Variants in CCDC188 observed in about 807,000 individuals in gnomAD.
CCDC188 encodes coiled-coil domain containing 188, also known as coiled-coil domain-containing protein 188.
In CCDC188, 37 loss-of-function variants were observed where a neutral mutation model predicts 50.7. That is an observed-to-expected ratio of 0.73 (90% CI 0.56 to 0.96). The LOEUF (loss-of-function observed/expected upper bound fraction) is 0.96, where lower values mean the gene tolerates loss of function less well. Ranked by LOEUF, CCDC188 falls within the 40% of genes least tolerant of loss-of-function variation. CCDC188 has a pLI of 0.00. For synonymous variants in CCDC188, 208 were observed against 228.0 expected (o/e 0.91, Z 0.79); for missense variants, 453 against 512.9 (o/e 0.88, Z 1.13).
In CCDC188 at chr22:20,149,408, T is replaced by A. The variant is rs1356342530; in HGVS notation, c.914+4A>T. The A allele has an allele frequency of 6.5e-7, 1 of 1,550,218 alleles. No homozygotes were observed. The highest frequency in any genetic ancestry group is 8.7e-7 in the Non-Finnish European group (1 of 1,146,854). ...AGCTGGCCCGGCCCCTGCCCCCGTG[T>A]TACCTGAGAATCTCCAGCTGGATGT... On this transcript the variant is annotated splice_donor_region_variant and intron_variant, in intron 6 of 8. Coordinates refer to ENST00000439765, the MANE Select transcript of CCDC188 (RefSeq NM_001365892.2).
chr22:20,150,203 C>T lies in CCDC188; in HGVS notation c.567G>A (p.Gly189=), dbSNP rs1302310084. 6.5e-7 allele frequency: 1 copy of T among 1,548,536 alleles called. No homozygotes were observed. The highest frequency in any genetic ancestry group is 2.4e-5 in the East Asian group (1 of 40,848). Residue 189 remains glycine, a synonymous_variant, in exon 2 of 9, where the codon GGG becomes GGA. Transcript: ENST00000439765. ...ACAGGGGCAGGAACTGCTGCCCCGGCCCCAGGAGGGCCCCCAGCTGCTCCC... is the reference window on the plus strand; with the variant it reads ...ACAGGGGCAGGAACTGCTGCCCCGGTCCCAGGAGGGCCCCCAGCTGCTCCC... The part of the protein sequence containing the change: ...ELREQLGALL[G]PGQQFLPLCP...
Position 20,149,231 on chromosome 22 carries a change from A to T in CCDC188, c.928T>A (p.Cys310Ser). The T allele has an allele frequency of 6.7e-7, 1 of 1,481,916 alleles. No individual in the cohort carries two copies. The allele number at this position is 1,481,916 out of a possible 1,614,324, so 91.8% of individuals were successfully genotyped here. A position where few individuals can be genotyped will look rare whatever the true frequency, so the allele number is the denominator to read the frequency against. ...TTCTCCTTCCTGGCTCGAGTGCGGC[A>T]CTGGGCCCGCTCCCTGCGGGGGCCT... ...QLEILRERAQ[C>S]RTRARKEKQM... is the part of the protein sequence containing the mutation. Residue 310 changes from cysteine to serine, a missense_variant, in exon 7 of 9, where the codon TGC becomes AGC. Transcript: ENST00000439765.
Position 20,150,803 on chromosome 22 carries a change from CT to C in CCDC188, c.183del (p.Ala63GlnfsTer84), listed in dbSNP as rs2050613487. On this transcript the variant is annotated frameshift_variant, in exon 1 of 9. Transcript: ENST00000439765. LOFTEE classifies it high-confidence loss of function. ...SVQSQRPFPV[P>X]GAGGSGPTVE... The stretch of plus-strand genomic sequence containing the variant: ...ACTGTGGGCCCACTGCCCCCTGCCC[CT>C]GGGACTGGGAAAGGTCTCTGGGACT... 6.5e-7 allele frequency: 1 copy of C among 1,549,504 alleles called. No individual in the cohort carries two copies. The highest frequency in any genetic ancestry group is 1.2e-5 in the South Asian group (1 of 84,000).
rs1470319643 is a variant in CCDC188 at position 20,150,570 on chromosome 22, C to T, written c.417G>A (p.Gly139=). The T allele has an allele frequency of 6.5e-7, 1 of 1,547,164 alleles. No individual in the cohort carries two copies. Among genetic ancestry groups the T allele is most frequent in the East Asian group, 2.4e-5 (1 of 40,822 alleles). ...GGGCTACCCTGGGCGAGGCCAGGGC[C>T]CCTCCCTCCCGTGACAGGGGTGGGC... is the stretch of plus-strand genomic sequence containing the variant. ...CPCPPLSREG[G]ALASPRVALS... The change falls in exon 1 of 9, where the codon GGG becomes GGA. Residue 139 remains glycine, a synonymous_variant. Coordinates refer to ENST00000439765, the MANE Select transcript of CCDC188 (RefSeq NM_001365892.2).
rs1387559585 is a variant in CCDC188, at chr22:20,149,581, C to G, written c.849G>C (p.Leu283=). 6.5e-7 allele frequency: 1 copy of G among 1,550,234 alleles called. No homozygotes were observed. Among genetic ancestry groups the G allele is most frequent in the Non-Finnish European group, 8.7e-7 (1 of 1,146,918 alleles). ...TGGGTGCTGCCCTGTGGGGACCTAC[C>G]AGGAGCCCGGTGGCCTGGTTGTTCA... ...MALNNQATGL[L]NLKKDIRGVL... Residue 283 remains leucine, a splice_region_variant and synonymous_variant, in exon 5 of 9, where the codon CTG becomes CTC. Transcript: ENST00000439765.
rs376021737 is a variant in CCDC188, at chr22:20,150,138, T to C, written c.627+5A>G. 1.3e-6 allele frequency: 2 copies of C among 1,544,242 alleles called. No individual in the cohort carries two copies. Among genetic ancestry groups the C allele is most frequent in the South Asian group, 1.2e-5 (1 of 83,844 alleles). ...CTGCATGGGGTCCCTGGGCCCTGTATTTACCCAGGCCAGAGCAGTGCAGCT... is the reference window on the plus strand; with the variant it reads ...CTGCATGGGGTCCCTGGGCCCTGTACTTACCCAGGCCAGAGCAGTGCAGCT... On this transcript the variant is annotated splice_donor_5th_base_variant and intron_variant, in intron 2 of 8. Transcript: ENST00000439765.
chr22:20,149,908 C>A, intron 3 of CCDC188, 47 bp downstream of exon 3: 1 of 1,508,438 alleles, frequency 6.6e-7, no homozygotes, highest in African/African-American at 1.4e-5. Flanking sequence ...ACCTGGAGTG[C>A]TGTTACGAAG....
chr22:20,148,524 G>T lies in CCDC188; in HGVS notation c.*90C>A. 1 of 1,440,930 alleles carries T rather than the reference G, an allele frequency of 6.9e-7. No individual in the cohort carries two copies. 89.3% of individuals were successfully genotyped at this position (1,440,930 alleles called of 1,614,324 possible). Reference sequence around the variant, plus strand: ...CTTCTGGCAAGGATGGTGCACAGTGGTGCCATGTGCAGGGGGCTGGCACGG... The same window carrying T: ...CTTCTGGCAAGGATGGTGCACAGTGTTGCCATGTGCAGGGGGCTGGCACGG... On this transcript the variant is annotated 3_prime_UTR_variant, in exon 9 of 9. Coordinates refer to ENST00000439765, the MANE Select transcript of CCDC188 (RefSeq NM_001365892.2).
rs1406498357 is a variant in CCDC188 at position 20,148,761 on chromosome 22, G to A, written c.1062C>T (p.Val354=). 1.0e-5 allele frequency: 15 copies of A among 1,483,978 alleles called. No homozygotes were observed. Among genetic ancestry groups the A allele is most frequent in the Non-Finnish European group, 1.4e-5 (15 of 1,110,736 alleles). The allele number at this position is 1,483,978 out of a possible 1,614,324, so 91.9% of individuals were successfully genotyped here. Reference sequence around the variant, plus strand: ...CCACGTACACGTAGGCAGCGGTCCAGACCAGCAGGGCGCCCAGCAGCAGCC... The same window carrying A: ...CCACGTACACGTAGGCAGCGGTCCAAACCAGCAGGGCGCCCAGCAGCAGCC... ...TLRLLLGALL[V]WTAAYVYVVN... is the part of the protein sequence containing the mutation. Residue 354 remains valine (V), a synonymous_variant, in exon 9 of 9, where the codon GTC becomes GTT. Coordinates refer to ENST00000439765, the MANE Select transcript of CCDC188 (RefSeq NM_001365892.2).
chr22:20,149,899 C>A, intron 3 of CCDC188, 56 bp downstream of exon 3: 1 of 1,506,348 alleles, frequency 6.6e-7, no homozygotes, highest in Non-Finnish European at 8.9e-7. Context: ...CTCAGGCCCA[C>A]CTGGAGTGCT....
At position 20,150,998 on chromosome 22, in the gene CCDC188, A is replaced by C; in HGVS notation, c.-12T>G. On this transcript the variant is annotated 5_prime_UTR_variant, in exon 1 of 9. Transcript: ENST00000439765. ...TTCAGCCCCTCCATCCCTCCCTGCAACCCCTTCCTGATCCCAGGTCCAGGC... is the reference window on the plus strand; with the variant it reads ...TTCAGCCCCTCCATCCCTCCCTGCACCCCCTTCCTGATCCCAGGTCCAGGC... The C allele has an allele frequency of 1.5e-6, 2 of 1,369,484 alleles. No individual in the cohort carries two copies. Among genetic ancestry groups the C allele is most frequent in the African/African-American group, 1.5e-5 (1 of 68,016 alleles). The allele number at this position is 1,369,484 out of a possible 1,614,324, so 84.8% of individuals were successfully genotyped here. A position where few individuals can be genotyped will look rare whatever the true frequency, so the allele number is the denominator to read the frequency against.
Position 20,149,639 on chromosome 22 carries a change from A to G in CCDC188, c.791T>C (p.Val264Ala), listed in dbSNP as rs1398718480. 8 of 1,549,762 alleles carry G rather than the reference A, an allele frequency of 5.2e-6. No individual in the cohort carries two copies. In the African/African-American group the frequency reaches 5.5e-5, roughly 11 times the overall value. The change falls in exon 5 of 9, where the codon GTG (valine) becomes GCG (alanine). Residue 264 changes from valine to alanine, a missense_variant and splice_region_variant. Val to Ala is a moderately conservative substitution (Grantham distance 64). Coordinates refer to ENST00000439765, the MANE Select transcript of CCDC188 (RefSeq NM_001365892.2). ...GTGCATCTCAGCCACGTTGTCCCAC[A>G]CCTAGGGGGAGGTGGGGTCACGCCT... ...FERKKMVITE[V>A]WDNVAEMHMA...
rs781382370 is a variant in CCDC188 at position 20,150,786 on chromosome 22, C to T, written c.201G>A (p.Gly67=). 2.8e-5 allele frequency: 44 copies of T among 1,549,712 alleles called. No homozygotes were observed. Among genetic ancestry groups the T allele is most frequent in the Non-Finnish European group, 3.7e-5 (42 of 1,146,644 alleles). Reference sequence around the variant, plus strand: ...CGGGAGCCTCGCCCTCCACTGTGGGCCCACTGCCCCCTGCCCCTGGGACTG... The same window carrying T: ...CGGGAGCCTCGCCCTCCACTGTGGGTCCACTGCCCCCTGCCCCTGGGACTG... ...PFPVPGAGGS[G]PTVEGEAPGL... The change falls in exon 1 of 9, where the codon GGG becomes GGA. Residue 67 remains glycine, a synonymous_variant. Transcript: ENST00000439765.
chr22:20,149,962 T>C lies in CCDC188; in HGVS notation c.725A>G (p.Gln242Arg). 6.5e-7 allele frequency: 1 copy of C among 1,547,008 alleles called. No homozygotes were observed. The highest frequency in any genetic ancestry group is 8.7e-7 in the Non-Finnish European group (1 of 1,145,828). The stretch of plus-strand genomic sequence containing the variant: ...CCCCTCCCCCAGGCCCACCTGGGAC[T>C]GTTGCACGAAAGCCTCTTGCCCCTG... ...LCQGQEAFVQ[Q>R]SQNELQQIRL... Residue 242 changes from glutamine to arginine, a missense_variant, in exon 3 of 9, where the codon CAG (glutamine) becomes CGG (arginine). Physicochemically the swap from Gln to Arg is conservative, Grantham distance 43. Coordinates refer to ENST00000439765, the MANE Select transcript of CCDC188 (RefSeq NM_001365892.2).
rs2148018236 is a variant in CCDC188 at position 20,150,233 on chromosome 22, T to G, written c.537A>C (p.Glu179Asp). ...ENHSLKRQNQ[E>D]LREQLGALLG... Reference sequence around the variant, plus strand: ...GGAGGGCCCCCAGCTGCTCCCGAAGTTCCTGATTCTGCCTTTTCTGGGGTG... The same window carrying G: ...GGAGGGCCCCCAGCTGCTCCCGAAGGTCCTGATTCTGCCTTTTCTGGGGTG... Residue 179 changes from glutamate to aspartate, a missense_variant, in exon 2 of 9, where the codon GAA (glutamate) becomes GAC (aspartate). Physicochemically the swap from Glu to Asp is conservative, Grantham distance 45 (BLOSUM62 2). Coordinates refer to ENST00000439765, the MANE Select transcript of CCDC188 (RefSeq NM_001365892.2). 6.5e-7 allele frequency: 1 copy of G among 1,547,898 alleles called. No individual in the cohort carries two copies.
rs764760641 is a variant in CCDC188 at position 20,149,453 on chromosome 22, G to T, written c.873C>A (p.Gly291=). The T allele has an allele frequency of 1.9e-5, 30 of 1,550,030 alleles. No homozygotes were observed. In the South Asian group the frequency reaches 3.6e-4, roughly 18 times the overall value. Residue 291 remains glycine, a synonymous_variant, in exon 6 of 9, where the codon GGC becomes GGA. Coordinates refer to ENST00000439765, the MANE Select transcript of CCDC188 (RefSeq NM_001365892.2). ...GLLNLKKDIR[G]VLDQMEDIQL... Reference sequence around the variant, plus strand: ...GGATGTCCTCCATCTGGTCCAGCACGCCCCGGATGTCCTTCTTGAGGTTCT... The same window carrying T: ...GGATGTCCTCCATCTGGTCCAGCACTCCCCGGATGTCCTTCTTGAGGTTCT...
Position 20,150,540 on chromosome 22 carries a change from G to C in CCDC188, c.447C>G (p.Ser149=). The change falls in exon 1 of 9, where the codon TCC becomes TCG. Residue 149 remains serine, a synonymous_variant. Transcript: ENST00000439765. ...GALASPRVAL[S]QLQCGLLGSA... ...AGCCCAGCAGCCCGCACTGAAGCTG[G>C]GACAGGGCTACCCTGGGCGAGGCCA... The C allele has an allele frequency of 6.5e-7, 1 of 1,549,424 alleles. No homozygotes were observed. The highest frequency in any genetic ancestry group is 8.7e-7 in the Non-Finnish European group (1 of 1,146,538).
In CCDC188 at chr22:20,149,625, C is replaced by T; in HGVS notation, c.805G>A (p.Ala269Thr). 6.5e-7 allele frequency: 1 copy of T among 1,550,146 alleles called. No individual in the cohort carries two copies. Among genetic ancestry groups the T allele is most frequent in the Non-Finnish European group, 8.7e-7 (1 of 1,146,888 alleles). ...TTGTTCAGGGCCATGTGCATCTCAG[C>T]CACGTTGTCCCACACCTAGGGGGAG... ...MVITEVWDNVAEMHMALNNQA... is the reference protein window; with the variant it reads ...MVITEVWDNVTEMHMALNNQA... Residue 269 changes from alanine (A) to threonine (T), a missense_variant, in exon 5 of 9, where the codon GCT becomes ACT. Transcript: ENST00000439765.
chr22:20,149,148 G>A (rs1259404979), intron 7 of CCDC188, 39 bp downstream of exon 7: 14 of 1,405,204 alleles, frequency 1.0e-5, no homozygotes, highest in Non-Finnish European at 1.3e-5. Context: ...TGGGTGGGGG[G>A]CTGGTCTCCA....
Sources: gnomAD v4.1 joint callset for allele counts on GRCh38, gnomAD v4.1.1 for gene constraint, MANE v1.5 for transcripts, NCBI Gene and HGNC (gene_info 2026-07-23, HGNC 2026-07-21) for gene names.